The following GLIS3 variants were observed in gnomAD, a reference collection of about 807,000 sequenced individuals.
GLIS3 encodes the protein GLIS family zinc finger 3.
A neutral mutation model predicts 78.6 loss-of-function variants in GLIS3; 53 were observed. That is an observed-to-expected ratio of 0.67 (90% confidence interval 0.54 to 0.85). The LOEUF is 0.85. Among genes scored for constraint, GLIS3 ranks in the 40% least tolerant of loss-of-function variants. The pLI is 0.00. For synonymous variants in GLIS3, 684 were observed against 509.9 expected, an observed-to-expected ratio of 1.34 and a Z score of -4.60; for missense variants, 1,703 against 1,231.1, an observed-to-expected ratio of 1.38 and a Z score of -5.74.
At chr9:3,965,986 T>G (rs1817908534) in intron 4 of GLIS3, among the ~76,000 whole-genome samples, 1 of 152,240 alleles carries the variant, frequency 6.6e-6, no homozygotes, top group South Asian at 2.1e-4. Context: ...ACCTGAAGCT[T>G]AGCAGAATTT....
intron 2 of GLIS3, among the ~76,000 whole-genome samples, chr9:4,205,060 C>T (rs1175372739): frequency 1.3e-5 from 2 of 151,758 alleles, no homozygotes; most frequent in Non-Finnish European, 2.9e-5. Context: ...CCTGTAATCC[C>T]AGCTACTTGG....
rs1195981602 is a variant in GLIS3, at chr9:4,118,154, C to G, written c.1324G>C (p.Asp442His). The G allele has an allele frequency of 1.3e-6, 2 of 1,562,362 alleles. No homozygotes were observed. The highest frequency in any genetic ancestry group is 1.8e-5 in the Admixed American group (1 of 55,364). ...GGGAGCGGAGGCGCGGGGGGTAGGT[C>G]TACGGTGCTGCCCGGGAACTCCTCC... ...RLEEFPGSTV[D>H]LPPAPPLPPL... Residue 442 changes from aspartate (D) to histidine (H), a missense_variant, in exon 4 of 11, where the codon GAC becomes CAC. Physicochemically the swap from Asp to His is moderately conservative, Grantham distance 81. Coordinates refer to ENST00000381971, the MANE Select transcript of GLIS3 (RefSeq NM_001042413.2). This position sits in a 1 kb window ranked among gnomAD's most constrained non-coding sequence, Gnocchi z 4.7.
At chr9:4,031,773 C>T (rs879824555) in intron 4 of GLIS3, among the ~76,000 whole-genome samples, 3 of 152,156 alleles carry the variant, frequency 2.0e-5, no homozygotes, top group African/African-American at 4.8e-5. Context: ...AACAGTCAAG[C>T]AATTCAACTG....
At position 4,012,368 on chromosome 9, in the gene GLIS3, A is replaced by C. The variant is rs566694589; in HGVS notation, c.1711-75179T>G. On this transcript the variant is annotated intron_variant, in intron 4 of 10. Transcript: ENST00000381971. ...GTACATTTTGAAGAACCAATATAGA[A>C]CATCTAGCAAACCAGATTCTTTTCG... is the stretch of plus-strand genomic sequence containing the variant. Among the ~76,000 whole-genome samples the C allele has an allele frequency of 2.6e-5, 4 of 152,276 alleles. No individual in the cohort carries two copies. The South Asian group carries it at 8.3e-4, about 32-fold the overall frequency.
At chr9:4,347,066 G>T (rs942460098) in intron 2 of GLIS3, 1 of 152,382 alleles carries the variant, frequency 6.6e-6, no homozygotes, top group Non-Finnish European at 1.5e-5. Context: ...AGGAAAAGAG[G>T]TTTATTTGAC....
the GLIS3 span, among the ~76,000 whole-genome samples, chr9:4,467,075 G>A: frequency 2.6e-5 from 4 of 152,224 alleles, no homozygotes; most frequent in African/African-American, 4.8e-5. Flanking sequence ...GTGGCAGCGA[G>A]GCTGGGGGAG....
chr9:3,929,916 A>T (rs190233096), intron 6 of GLIS3, among the ~76,000 whole-genome samples: 86 of 152,274 alleles, frequency 5.6e-4, no homozygotes, highest in African/African-American at 2.0e-3. Context: ...TATTTCAAAT[A>T]CCAAGTCCTG....
intron 2 of GLIS3, among the ~76,000 whole-genome samples, chr9:4,229,653 A>G (rs1822084645): frequency 1.3e-5 from 2 of 152,248 alleles, no homozygotes; most frequent in South Asian, 4.1e-4. Flanking sequence ...TTTGCTTTTT[A>G]AAGAGCTTTG....
intron 9 of GLIS3, among the ~76,000 whole-genome samples, chr9:3,846,579 C>A (rs946273834): frequency 3.3e-4 from 50 of 152,184 alleles, no homozygotes; most frequent in African/African-American, 1.1e-3. Flanking sequence ...ATTGCATGAC[C>A]TGCTCATAGG....
intron 2 of GLIS3, among the ~76,000 whole-genome samples, chr9:4,224,395 T>C (rs181594819): frequency 2.0e-5 from 3 of 152,358 alleles, no homozygotes; most frequent in African/African-American, 7.2e-5. Context: ...GGTGTATGAA[T>C]GTTTACCATT....
chr9:3,873,899 T>G (rs967315933), intron 8 of GLIS3, among the ~76,000 whole-genome samples: 2 of 152,178 alleles, frequency 1.3e-5, no homozygotes, highest in African/African-American at 4.8e-5. Context: ...AAATAATTGT[T>G]CCTCATATTT....
chr9:4,446,179 T>C, the GLIS3 span, among the ~76,000 whole-genome samples: 1,290 of 152,276 alleles, frequency 8.5e-3, 21 homozygotes, highest in African/African-American at 0.029. Context: ...CGAAATTCTA[T>C]GGTAGTGGTA....
At chr9:4,476,658 G>T in the GLIS3 span, among the ~76,000 whole-genome samples, 1 of 151,884 alleles carries the variant, frequency 6.6e-6, no homozygotes, top group African/African-American at 2.4e-5. Flanking sequence ...CACCATGCCC[G>T]GCCCAGTGGT....
intron 2 of GLIS3, among the ~76,000 whole-genome samples, chr9:4,146,942 CAATTT>C (rs1259024426): frequency 6.6e-6 from 1 of 152,152 alleles, no homozygotes; most frequent in Non-Finnish European, 1.5e-5. Flanking sequence ...TATTATTTCT[CAATTT>C]GATTGTCCCA....
chr9:4,368,955 G>T, the GLIS3 span, among the ~76,000 whole-genome samples: 1 of 152,060 alleles, frequency 6.6e-6, no homozygotes, highest in Non-Finnish European at 1.5e-5. Flanking sequence ...TTAACCAAGG[G>T]CTTAATTAAA....
intron 4 of GLIS3, among the ~76,000 whole-genome samples, chr9:3,982,658 T>G (rs1819400327): frequency 6.6e-6 from 1 of 152,168 alleles, no homozygotes; most frequent in African/African-American, 2.4e-5. Flanking sequence ...TTCTGGCCAG[T>G]CAGAAAGGCC....
intron 2 of GLIS3, among the ~76,000 whole-genome samples, chr9:4,167,557 A>C (rs1164249526): frequency 1.3e-5 from 2 of 152,180 alleles, no homozygotes; most frequent in South Asian, 2.1e-4. Flanking sequence ...GTGCTGGTAC[A>C]CAACAGGTGC....
chr9:4,457,176 A>C, the GLIS3 span, among the ~76,000 whole-genome samples: 1 of 152,006 alleles, frequency 6.6e-6, no homozygotes, highest in Non-Finnish European at 1.5e-5. Context: ...CAGCTGAGGC[A>C]ATATAGTGAG....
chr9:4,487,357 C>T, the GLIS3 span, among the ~76,000 whole-genome samples: 1 of 152,208 alleles, frequency 6.6e-6, no homozygotes, highest in East Asian at 1.9e-4. Context: ...TGTTCTAAGC[C>T]TTTCACACAG....
Sources: gnomAD v4.1 joint callset for allele counts (sites outside exome capture counted in the v4.1 genomes callset) on GRCh38, gnomAD v4.1.1 for gene constraint, Gnocchi (gnomAD v3.1) non-coding constraint, MANE v1.5 for transcripts, NCBI Gene and HGNC (gene_info 2026-07-23, HGNC 2026-07-21) for gene names.